The following SETD9 variants were observed in gnomAD, a reference collection of about 807,000 sequenced individuals.
SETD9 encodes SET domain containing 9, also known as SET domain-containing protein 9.
SETD9 carries 37 observed loss-of-function variants against 36.4 expected under a neutral mutation model. The observed-to-expected ratio is 1.02, with a 90% CI of 0.78 to 1.34. The LOEUF (loss-of-function observed/expected upper bound fraction) is 1.34. Ranked by LOEUF, SETD9 falls within the 40% of genes most tolerant of loss-of-function variation. The probability of loss-of-function intolerance (pLI) is 0.00; values close to 1 mark genes in which losing one functional copy is unlikely to be tolerated. For synonymous variants in SETD9, 128 were observed against 132.9 expected, an observed-to-expected ratio of 0.96 and a Z score of 0.26; for missense variants, 323 against 353.2, an observed-to-expected ratio of 0.91 and a Z score of 0.69.
At chr5:56,920,885 ACTCT>A (rs746640815), downstream of SETD9, 39 of 152,512 alleles carry the variant, frequency 2.6e-4, no homozygotes, top group Non-Finnish European at 2.4e-4. Flanking sequence ...GCTAGTTAGC[ACTCT>A]CTAAGAGGCT....
chr5:56,912,194 A>G, intron 2 of SETD9: 1 of 985,334 alleles, frequency 1.0e-6, no homozygotes, highest in Non-Finnish European at 1.2e-6. Context: ...TCAAAACATA[A>G]AAGACAACAT....
downstream of SETD9, chr5:56,928,669 T>C (rs1750122637): frequency 1.3e-6 from 1 of 799,218 alleles, no homozygotes; most frequent in South Asian, 1.9e-5. Context: ...AAGGGAACAT[T>C]AGTAAGTTGT....
chr5:56,920,083 G>T (rs138043046), downstream of SETD9: 1 of 152,632 alleles, frequency 6.6e-6, no homozygotes, highest in East Asian at 1.9e-4. Flanking sequence ...GTATCACTAT[G>T]CTCTATTAGA....
intron 5 of SETD9, among the ~76,000 whole-genome samples, chr5:56,916,439 T>A (rs1302084054): frequency 1.3e-5 from 2 of 152,328 alleles, no homozygotes; most frequent in Admixed American, 6.5e-5. Flanking sequence ...AGCATTTTTT[T>A]AAAACTCCAA....
At chr5:56,919,522 T>C (rs1215033029), downstream of SETD9, 1 of 152,246 alleles carries the variant, frequency 6.6e-6, no homozygotes, top group Non-Finnish European at 1.5e-5. Flanking sequence ...AGTGGTATAA[T>C]ATCTATCTAT....
intron 5 of SETD9, chr5:56,925,209 CAT>C: frequency 3.1e-6 from 1 of 320,712 alleles, no homozygotes; most frequent in Non-Finnish European, 6.1e-6. Flanking sequence ...GATTTTCAAA[CAT>C]ACAGAAAGTG....
At chr5:56,920,625 A>G (rs1749626930), downstream of SETD9, 3 of 149,774 alleles carry the variant, frequency 2.0e-5, no homozygotes, top group Admixed American at 6.7e-5. Flanking sequence ...AAACTGAGAG[A>G]AAAAAAAAAC....
chr5:56,925,424 G>A, exon 6 of SETD9: 1 of 420,596 alleles, frequency 2.4e-6, no homozygotes, highest in Non-Finnish European at 4.7e-6. Context: ...CAGGAGACAA[G>A]GTTAATACAC....
At chr5:56,922,058 G>C (rs1171777957), downstream of SETD9, 1 of 152,548 alleles carries the variant, frequency 6.6e-6, no homozygotes, top group East Asian at 1.9e-4. Flanking sequence ...AACTGTTCAA[G>C]CTTAACAAAA....
At chr5:56,919,098 T>G (rs541488410), downstream of SETD9, among the ~76,000 whole-genome samples, 5 of 150,138 alleles carry the variant, frequency 3.3e-5, no homozygotes, top group African/African-American at 7.3e-5. Flanking sequence ...TGAATTAAAC[T>G]AAAAGTATAA....
At chr5:56,923,061 T>C (rs1749748975) in intron 5 of SETD9, 3 of 1,389,722 alleles carry the variant, frequency 2.2e-6, no homozygotes, top group South Asian at 2.5e-5. Context: ...TGAAAGACTA[T>C]GCAAACCTGA....
chr5:56,911,107 T>C, intron 1 of SETD9, 62 bp from the exon 2 acceptor site: 1 of 1,491,708 alleles, frequency 6.7e-7, no homozygotes, highest in Non-Finnish European at 8.9e-7. Context: ...CCAGAAGTTA[T>C]GCAGGTAAGT....
At chr5:56,926,886 A>T (rs1202547624), downstream of SETD9, among the ~76,000 whole-genome samples, 1 of 145,048 alleles carries the variant, frequency 6.9e-6, no homozygotes, top group South Asian at 2.1e-4. Flanking sequence ...ATTCAGTGAT[A>T]AAAAAAAGAA....
chr5:56,913,319 G>C (rs2112021031), intron 3 of SETD9, among the ~76,000 whole-genome samples, 185 bp downstream of exon 3: 1 of 152,076 alleles, frequency 6.6e-6, no homozygotes, highest in Non-Finnish European at 1.5e-5. Context: ...CTTCCAAAGT[G>C]CTGGGATTAC....
At chr5:56,913,696 T>C (rs115193441) in intron 3 of SETD9, among the ~76,000 whole-genome samples, 178 bp from the exon 4 acceptor site, 2,061 of 152,234 alleles carry the variant, frequency 0.014, 19 homozygotes, top group Non-Finnish European at 0.018. Context: ...CATTTATACT[T>C]TGAATAAAAT....
intron 2 of SETD9, among the ~76,000 whole-genome samples, chr5:56,912,643 ACATTATTTAATTATTAG>A (rs1749197762): frequency 6.6e-6 from 1 of 152,242 alleles, no homozygotes; most frequent in Non-Finnish European, 1.5e-5. Flanking sequence ...ATATGTGTCT[ACATTATTTAATTATTAG>A]CAAAATAAAT....
chr5:56,912,889 C>A, intron 2 of SETD9, 122 bp from the exon 3 acceptor site: 1 of 1,045,564 alleles, frequency 9.6e-7, no homozygotes, highest in Non-Finnish European at 1.4e-6. Context: ...ATTGGGCGTT[C>A]ACGCTTTAAG....
chr5:56,923,319 C>T lies in SETD9; in HGVS notation c.813-2014C>T, dbSNP rs529396440. ...ACTTCATTCATAAAGGATTCAGGGACGGCAATGCCCATTTTCAATCTTTTT... is the reference window on the plus strand; with the variant it reads ...ACTTCATTCATAAAGGATTCAGGGATGGCAATGCCCATTTTCAATCTTTTT... On this transcript the variant is annotated intron_variant, in intron 5 of 5. Transcript: ENST00000628593. 41 of 1,614,194 alleles carry T rather than the reference C, an allele frequency of 2.5e-5. No homozygotes were observed. Among genetic ancestry groups the T allele is most frequent in the Admixed American group, 6.7e-5 (4 of 60,010 alleles).
At chr5:56,918,960 TAAGG>T (rs773076642), downstream of SETD9, among the ~76,000 whole-genome samples, 3 of 152,158 alleles carry the variant, frequency 2.0e-5, no homozygotes, top group Non-Finnish European at 4.4e-5. Context: ...ATCGTATGGA[TAAGG>T]AAGACTAGTT....
Sources: allele counts gnomAD v4.1 joint callset (sites outside exome capture counted in the v4.1 genomes callset), GRCh38; gene constraint gnomAD v4.1.1; transcripts MANE v1.5; gene names NCBI Gene and HGNC (gene_info 2026-07-23, HGNC 2026-07-21).